DCC: variants seen among roughly 807,000 people sequenced by gnomAD.
DCC encodes the protein netrin receptor DCC.
DCC carries 58 observed loss-of-function variants against 172.5 expected under a neutral mutation model. The observed-to-expected ratio is 0.34, with a 90% CI of 0.27 to 0.42. The LOEUF (loss-of-function observed/expected upper bound fraction) is 0.42, where lower values mean the gene tolerates loss of function less well. Among genes scored for constraint, DCC ranks in the 10% least tolerant of loss-of-function variants. The pLI is 1.00. For synonymous variants in DCC, 709 were observed against 644.5 expected (o/e 1.10, Z -1.52); for missense variants, 1,740 against 1,791.0 (o/e 0.97, Z 0.51).
chr18:52,414,320 G>A (rs1474168993), intron 1 of DCC, among the ~76,000 whole-genome samples: 2 of 152,026 alleles, frequency 1.3e-5, no homozygotes, highest in Non-Finnish European at 2.9e-5. Context: ...CTGACCTCAG[G>A]TGATCCACCC....
At chr18:52,502,673 A>AGCT (rs79011858) in intron 1 of DCC, among the ~76,000 whole-genome samples, 5,764 of 152,250 alleles carry the variant, frequency 0.038, 142 homozygotes, top group Non-Finnish European at 0.056. Context: ...CCAATTTGGA[A>AGCT]GCTGACAAAT....
At chr18:52,568,968 C>A (rs1018650385) in intron 1 of DCC, among the ~76,000 whole-genome samples, 1 of 152,104 alleles carries the variant, frequency 6.6e-6, no homozygotes, top group Admixed American at 6.5e-5. Flanking sequence ...GTATATATAT[C>A]TCCCATTGAT....
chr18:53,066,353 GTATATATATA>G (rs10526030), intron 7 of DCC, among the ~76,000 whole-genome samples, 187 bp downstream of exon 7: 1,690 of 94,454 alleles, frequency 0.018, 35 homozygotes, highest in Admixed American at 0.044. Flanking sequence ...GTACATGTGT[GTATATATATA>G]TATATATATA....
Position 52,610,162 on chromosome 18 carries a change from AAAAAAAAAAAAAAAAAATATATAT to A in DCC, c.92-141890_92-141867del, listed in dbSNP as rs1160558704. Among the ~76,000 whole-genome samples, 11 of 17,204 alleles carry A rather than the reference AAAAAAAAAAAAAAAAAATATATAT, an allele frequency of 6.4e-4. No individual in the cohort carries two copies. The South Asian group carries it at 8.2e-3, about 13-fold the overall frequency. The allele number at this position is 17,204 out of a possible 152,430, so 11.3% of individuals were successfully genotyped here. On this transcript the variant is annotated intron_variant, in intron 1 of 28. Coordinates refer to ENST00000442544, the MANE Select transcript of DCC (RefSeq NM_005215.4). ...AACCCCATCTCTCATAAAAAAAAAA[AAAAAAAAAAAAAAAAAATATATAT>A]ATATATATATATATATATATATATA...
intron 13 of DCC, among the ~76,000 whole-genome samples, chr18:53,306,891 C>A (rs2057205955): frequency 1.3e-5 from 2 of 152,078 alleles, no homozygotes; most frequent in South Asian, 4.2e-4. Context: ...TGGGTCAGGA[C>A]AACATACAAA....
chr18:52,942,135 A>G (rs1392557503), intron 5 of DCC, among the ~76,000 whole-genome samples: 1 of 152,180 alleles, frequency 6.6e-6, no homozygotes, highest in Non-Finnish European at 1.5e-5. Flanking sequence ...GCCACTAATT[A>G]TGTAGACTGT....
intron 1 of DCC, among the ~76,000 whole-genome samples, chr18:52,347,241 T>C (rs1485728228): frequency 6.6e-6 from 1 of 152,190 alleles, no homozygotes; most frequent in Non-Finnish European, 1.5e-5. Context: ...AAAAAGAAGT[T>C]AAGCAGTTAA....
intron 27 of DCC, among the ~76,000 whole-genome samples, chr18:53,512,163 C>T (rs556475735): frequency 1.3e-5 from 2 of 150,312 alleles, no homozygotes; most frequent in East Asian, 4.0e-4. Flanking sequence ...CCCGACCCCC[C>T]AGCAGCCTAA....
chr18:52,702,749 C>T (rs2036146394), intron 1 of DCC, among the ~76,000 whole-genome samples: 1 of 152,140 alleles, frequency 6.6e-6, no homozygotes, highest in African/African-American at 2.4e-5. Context: ...TGTCATCCTT[C>T]ATTCAAACCA....
At chr18:52,403,474 T>C (rs1986518267) in intron 1 of DCC, among the ~76,000 whole-genome samples, 2 of 152,022 alleles carry the variant, frequency 1.3e-5, no homozygotes, top group African/African-American at 4.8e-5. Flanking sequence ...CAATTGTGTT[T>C]TGATTCATGG....
Position 53,435,171 on chromosome 18 carries a change from C to T in DCC, c.3191C>T (p.Pro1064Leu). 6.2e-7 allele frequency: 1 copy of T among 1,610,784 alleles called. No individual in the cohort carries two copies. The highest frequency in any genetic ancestry group is 2.2e-5 in the East Asian group (1 of 44,802). Residue 1064 changes from proline (P) to leucine (L), a missense_variant, in exon 22 of 29, where the codon CCA (proline) becomes CTA (leucine). By Grantham distance (98) the Pro-to-Leu change is moderately conservative. Transcript: ENST00000442544. Reference sequence around the variant, plus strand: ...CGTCATGGAGATGGAGGTTATTGGCCAGTTGATACTAATTTGATTGATAGA... The same window carrying T: ...CGTCATGGAGATGGAGGTTATTGGCTAGTTGATACTAATTTGATTGATAGA... ...QGRHGDGGYW[P>L]VDTNLIDRST...
intron 1 of DCC, among the ~76,000 whole-genome samples, chr18:52,726,536 T>C (rs1022243686): frequency 6.6e-5 from 10 of 152,234 alleles, no homozygotes; most frequent in African/African-American, 1.9e-4. Flanking sequence ...ATTATTTATA[T>C]ACTTCTCCCT....
At chr18:53,131,084 G>C (rs956959824) in intron 7 of DCC, among the ~76,000 whole-genome samples, 2 of 152,028 alleles carry the variant, frequency 1.3e-5, no homozygotes, top group African/African-American at 4.8e-5. Flanking sequence ...TAACACAAAG[G>C]AACTTCAGAA....
At chr18:52,566,323 C>T (rs2033159721) in intron 1 of DCC, among the ~76,000 whole-genome samples, 1 of 151,948 alleles carries the variant, frequency 6.6e-6, no homozygotes, top group Non-Finnish European at 1.5e-5. Context: ...AATGAGAATA[C>T]ATGGACACAG....
intron 12 of DCC, among the ~76,000 whole-genome samples, chr18:53,274,860 G>C (rs2056788203): frequency 1.3e-5 from 2 of 152,066 alleles, no homozygotes; most frequent in Non-Finnish European, 2.9e-5. Flanking sequence ...TAGTCAAACT[G>C]AATCCAAATC....
At chr18:52,882,818 T>C (rs1195011730) in intron 2 of DCC, among the ~76,000 whole-genome samples, 3 of 152,140 alleles carry the variant, frequency 2.0e-5, no homozygotes, top group Non-Finnish European at 2.9e-5. Flanking sequence ...TTTGTTGATT[T>C]TCTGTGTGGA....
chr18:52,859,193 C>G (rs2039097378), intron 2 of DCC, among the ~76,000 whole-genome samples: 1 of 152,018 alleles, frequency 6.6e-6, no homozygotes, highest in Admixed American at 6.6e-5. Flanking sequence ...GTGGCTGTCC[C>G]TAAGATCACA....
intron 2 of DCC, among the ~76,000 whole-genome samples, chr18:52,770,043 T>C (rs1330065347): frequency 6.6e-6 from 1 of 152,216 alleles, no homozygotes; most frequent in Non-Finnish European, 1.5e-5. Context: ...AGAGTTGTCT[T>C]TTAAAGCATT....
intron 5 of DCC, among the ~76,000 whole-genome samples, chr18:53,036,589 C>A (rs933186171): frequency 6.6e-6 from 1 of 152,020 alleles, no homozygotes; most frequent in Admixed American, 6.6e-5. Flanking sequence ...GTAAAACTGA[C>A]TTCATGTGAT....
Sources: gnomAD v4.1 joint callset for allele counts (sites outside exome capture counted in the v4.1 genomes callset) on GRCh38, gnomAD v4.1.1 for gene constraint, MANE v1.5 for transcripts, NCBI Gene and HGNC (gene_info 2026-07-23, HGNC 2026-07-21) for gene names.